UBE2G1: variants seen among roughly 807,000 people sequenced by gnomAD.
The protein encoded by UBE2G1 is ubiquitin conjugating enzyme E2 G1.
A neutral mutation model predicts 22.7 loss-of-function variants in UBE2G1; 5 were observed. That is an observed-to-expected ratio of 0.22 (90% CI 0.12 to 0.46). The LOEUF (loss-of-function observed/expected upper bound fraction) is 0.46, where lower values mean the gene tolerates loss of function less well. UBE2G1 is among the 20% of genes least tolerant of loss of function. UBE2G1 has a pLI of 0.99. For missense variants in UBE2G1, 88 were observed against 203.9 expected (o/e 0.43, Z 3.46); for synonymous variants, 74 against 67.5 (o/e 1.10, Z -0.47).
intron 1 of UBE2G1, among the ~76,000 whole-genome samples, chr17:4,324,090 A>G (rs532391436): frequency 1.2e-4 from 19 of 152,256 alleles, no homozygotes; most frequent in African/African-American, 4.6e-4. Flanking sequence ...TCTGGCAATC[A>G]CCAAATAATT....
Position 4,300,948 on chromosome 17 carries a change from G to A in UBE2G1, c.150-4134C>T, listed in dbSNP as rs1473135563. Among the ~76,000 whole-genome samples the A allele has an allele frequency of 5.5e-5, 8 of 144,582 alleles. No homozygotes were observed. In the East Asian group the frequency reaches 9.7e-4, roughly 18 times the overall value. The allele number at this position is 144,582 out of a possible 152,430, so 94.9% of individuals were successfully genotyped here. On this transcript the variant is annotated intron_variant, in intron 2 of 5. Transcript: ENST00000396981. Reference sequence around the variant, plus strand: ...ACTCTGTTTTCAAACAAAAAAAAAAGAGAGAGAGAGATATGTAACCAGCAG... The same window carrying A: ...ACTCTGTTTTCAAACAAAAAAAAAAAAGAGAGAGAGATATGTAACCAGCAG...
At chr17:4,358,650 C>T (rs1435712934) in intron 1 of UBE2G1, among the ~76,000 whole-genome samples, 1 of 152,156 alleles carries the variant, frequency 6.6e-6, no homozygotes, top group Non-Finnish European at 1.5e-5. Context: ...ATGCTTTTGG[C>T]ATCAAGTTGA....
intron 1 of UBE2G1, among the ~76,000 whole-genome samples, chr17:4,339,498 T>C (rs907482028): frequency 6.6e-6 from 1 of 151,990 alleles, no homozygotes; most frequent in African/African-American, 2.4e-5. Flanking sequence ...GAGACGGGGT[T>C]TCAGCATGTT....
intron 1 of UBE2G1, among the ~76,000 whole-genome samples, chr17:4,323,635 C>T (rs999554186): frequency 6.6e-6 from 1 of 152,234 alleles, no homozygotes; most frequent in African/African-American, 2.4e-5. Context: ...TCACTAAAGC[C>T]TTGACCTCCT....
chr17:4,356,511 A>G (rs1233795663), intron 1 of UBE2G1, among the ~76,000 whole-genome samples: 10 of 152,218 alleles, frequency 6.6e-5, no homozygotes, highest in Admixed American at 6.5e-4. Context: ...ATAAACTTTT[A>G]TGCTGATCCT....
intron 1 of UBE2G1, among the ~76,000 whole-genome samples, chr17:4,355,611 C>T (rs1278287407): frequency 7.0e-6 from 1 of 143,654 alleles, no homozygotes; most frequent in Non-Finnish European, 1.5e-5. Context: ...CACTACACTC[C>T]AGCCTGGGCA....
intron 1 of UBE2G1, among the ~76,000 whole-genome samples, chr17:4,320,721 C>A (rs1336861859): frequency 1.3e-5 from 2 of 151,830 alleles, no homozygotes; most frequent in Non-Finnish European, 2.9e-5. Context: ...CAAAGACAAC[C>A]ACTGCTAACA....
At chr17:4,290,647 T>TTTC (rs1969022875) in intron 3 of UBE2G1, among the ~76,000 whole-genome samples, 1 of 150,732 alleles carries the variant, frequency 6.6e-6, no homozygotes, top group African/African-American at 2.4e-5. Context: ...AACCTGACTT[T>TTTC]TTTTTTTTTT....
chr17:4,304,827 C>T (rs374997101), intron 2 of UBE2G1, among the ~76,000 whole-genome samples: 1 of 152,102 alleles, frequency 6.6e-6, no homozygotes, highest in Non-Finnish European at 1.5e-5. Flanking sequence ...GTTATTTAAA[C>T]GTAAGGTGTA....
chr17:4,354,785 T>A (rs1033788495), intron 1 of UBE2G1, among the ~76,000 whole-genome samples: 7 of 152,168 alleles, frequency 4.6e-5, no homozygotes, highest in African/African-American at 1.7e-4. Context: ...AAATTTTTTT[T>A]AATTTGCTGA....
At chr17:4,327,056 G>C (rs1382642201) in intron 1 of UBE2G1, among the ~76,000 whole-genome samples, 3 of 152,210 alleles carry the variant, frequency 2.0e-5, no homozygotes, top group Non-Finnish European at 4.4e-5. Context: ...AGTACTTTGG[G>C]AGGCCGAGGC....
intron 3 of UBE2G1, among the ~76,000 whole-genome samples, chr17:4,290,523 G>A (rs999769951): frequency 6.6e-6 from 1 of 152,138 alleles, no homozygotes; most frequent in Admixed American, 6.5e-5. Flanking sequence ...CCAGGCTGGA[G>A]TGTAGTGGTA....
intron 3 of UBE2G1, 109 bp from the exon 4 acceptor site, chr17:4,289,517 C>T: frequency 8.2e-7 from 1 of 1,215,522 alleles, no homozygotes; most frequent in East Asian, 2.7e-5. Context: ...TCAAACATGA[C>T]ACATACGCAG....
At chr17:4,320,425 A>G (rs1445914743) in intron 1 of UBE2G1, among the ~76,000 whole-genome samples, 1 of 152,212 alleles carries the variant, frequency 6.6e-6, no homozygotes, top group African/African-American at 2.4e-5. Flanking sequence ...CTTCAATATT[A>G]CCTTAGCTGG....
intron 5 of UBE2G1, among the ~76,000 whole-genome samples, chr17:4,280,959 T>A (rs1968881858): frequency 6.6e-6 from 1 of 152,104 alleles, no homozygotes; most frequent in Admixed American, 6.6e-5. Context: ...TCCTTGCCAA[T>A]GGGACTATGA....
intron 2 of UBE2G1, among the ~76,000 whole-genome samples, chr17:4,305,919 T>G (rs955086719): frequency 6.6e-6 from 1 of 152,262 alleles, no homozygotes; most frequent in African/African-American, 2.4e-5. Flanking sequence ...AAAAGAAGAC[T>G]GTGGTCTTTG....
chr17:4,307,549 T>C (rs1969261747), intron 1 of UBE2G1, among the ~76,000 whole-genome samples: 2 of 152,242 alleles, frequency 1.3e-5, no homozygotes, highest in South Asian at 2.1e-4. Context: ...TGGAATGTAC[T>C]GCGCTTAATA....
intron 5 of UBE2G1, among the ~76,000 whole-genome samples, chr17:4,280,279 C>T (rs1443722632): frequency 1.4e-5 from 2 of 147,896 alleles, no homozygotes; most frequent in African/African-American, 2.5e-5. Context: ...TCAGGTAATC[C>T]ACCTGCCTCA....
intron 1 of UBE2G1, among the ~76,000 whole-genome samples, chr17:4,315,832 AG>A (rs1290175681): frequency 7.8e-6 from 1 of 128,156 alleles, no homozygotes; most frequent in African/African-American, 3.1e-5. Flanking sequence ...CCTGAGACGG[AG>A]TCTCGCTCTG....
Sources: allele counts gnomAD v4.1 joint callset (sites outside exome capture counted in the v4.1 genomes callset), GRCh38; gene constraint gnomAD v4.1.1; transcripts MANE v1.5; gene names NCBI Gene and HGNC (gene_info 2026-07-23, HGNC 2026-07-21).